PTGFRN: variants seen among roughly 807,000 people sequenced by gnomAD.
PTGFRN encodes the protein prostaglandin F2 receptor inhibitor.
PTGFRN carries 35 observed loss-of-function variants against 83.2 expected under a neutral mutation model. The observed-to-expected ratio is 0.42, with a 90% confidence interval of 0.32 to 0.56. The LOEUF (loss-of-function observed/expected upper bound fraction) is 0.56. Ranked by LOEUF, PTGFRN falls within the 20% of genes least tolerant of loss-of-function variation. The pLI is 0.11. For missense variants in PTGFRN, 1,051 were observed against 1,179.5 expected (o/e 0.89, Z 1.60); for synonymous variants, 519 against 498.6 (o/e 1.04, Z -0.55).
rs1422882122 is a variant in PTGFRN at position 116,987,716 on chromosome 1, G to A, written c.*749G>A. The A allele has an allele frequency of 6.6e-6, 1 of 152,492 alleles. No individual in the cohort carries two copies. Among genetic ancestry groups the A allele is most frequent in the East Asian group, 1.9e-4 (1 of 5,184 alleles). 9.4% of individuals were successfully genotyped at this position (152,492 alleles called of 1,614,324 possible). On this transcript the variant is annotated 3_prime_UTR_variant, in exon 9 of 9. Transcript: ENST00000393203. Reference sequence around the variant, plus strand: ...ATCTTGCCACCTTAGCCTTAAGAATGAATATGAAGAAAAATACACAGCCAC... The same window carrying A: ...ATCTTGCCACCTTAGCCTTAAGAATAAATATGAAGAAAAATACACAGCCAC...
chr1:116,962,733 T>C (rs1650699914), intron 5 of PTGFRN, among the ~76,000 whole-genome samples: 1 of 152,128 alleles, frequency 6.6e-6, no homozygotes, highest in Non-Finnish European at 1.5e-5. Flanking sequence ...TCTAAACATA[T>C]CTCCTGTCTT....
At chr1:116,924,171 G>A (rs1394929139) in intron 1 of PTGFRN, among the ~76,000 whole-genome samples, 3 of 134,864 alleles carry the variant, frequency 2.2e-5, no homozygotes, top group South Asian at 4.6e-4. Context: ...TTTTTGAGAC[G>A]GAGTCTCACT....
chr1:116,931,019 TG>T (rs1408672082), intron 1 of PTGFRN, among the ~76,000 whole-genome samples: 1 of 152,220 alleles, frequency 6.6e-6, no homozygotes, highest in African/African-American at 2.4e-5. Context: ...CTGAGGCACC[TG>T]TTAGTGCATC....
At chr1:116,930,193 A>G (rs2246893) in intron 1 of PTGFRN, among the ~76,000 whole-genome samples, 19,655 of 152,260 alleles carry the variant, frequency 0.13, 2,348 homozygotes, top group African/African-American at 0.32. Context: ...TTCATAAAGA[A>G]ACAGTAAGTG....
Position 116,933,371 on chromosome 1 carries a change from C to A in PTGFRN, c.50-8344C>A, listed in dbSNP as rs183838269. On this transcript the variant is annotated intron_variant, in intron 1 of 8. Coordinates refer to ENST00000393203, the MANE Select transcript of PTGFRN (RefSeq NM_020440.4). The stretch of plus-strand genomic sequence containing the variant: ...ACTTCCAGGATAATGAAAGACCTTA[C>A]AACATTTAAGCTCCAATGTATTCCA... 3.3e-5 allele frequency among the ~76,000 whole-genome samples: 5 copies of A among 152,134 alleles called. No homozygotes were observed. In the East Asian group the frequency reaches 9.7e-4, roughly 29 times the overall value.
intron 6 of PTGFRN, 92 bp from the exon 7 acceptor site, chr1:116,974,124 G>A: frequency 1.0e-6 from 1 of 972,306 alleles, no homozygotes. Context: ...CCAGGGAAGA[G>A]AACCACATTT....
intron 1 of PTGFRN, among the ~76,000 whole-genome samples, chr1:116,932,761 CT>C (rs1377436317): frequency 6.6e-6 from 1 of 152,092 alleles, no homozygotes; most frequent in Non-Finnish European, 1.5e-5. Flanking sequence ...TAAGCTGTTT[CT>C]TTTTCCTACT....
At chr1:116,939,084 C>CA (rs1020680450) in intron 1 of PTGFRN, among the ~76,000 whole-genome samples, 5 of 152,250 alleles carry the variant, frequency 3.3e-5, no homozygotes, top group African/African-American at 9.6e-5. Flanking sequence ...CGGCTGCTTT[C>CA]ACAGGCTGGC....
intron 1 of PTGFRN, among the ~76,000 whole-genome samples, chr1:116,939,152 T>C (rs910204286): frequency 4.6e-5 from 7 of 152,230 alleles, no homozygotes; most frequent in African/African-American, 1.7e-4. Flanking sequence ...GATCTACCGT[T>C]CTGGGGTCTG....
At position 116,967,039 on chromosome 1, in the gene PTGFRN, G is replaced by A. The variant is rs1650859235; in HGVS notation, c.1768G>A (p.Glu590Lys). 2 of 1,614,214 alleles carry A rather than the reference G, an allele frequency of 1.2e-6. No homozygotes were observed. Among genetic ancestry groups the A allele is most frequent in the Non-Finnish European group, 1.7e-6 (2 of 1,180,042 alleles). ...ACGCTACTCTGTTCTCATCATGGCT[G>A]AGAAGCCTGTCGGCGACCTCTCCAG... ...SPRYSVLIMA[E>K]KPVGDLSSPN... The change falls in exon 6 of 9, where the codon GAG (glutamate) becomes AAG (lysine). Residue 590 changes from glutamate to lysine, a missense_variant. Glu to Lys is a moderately conservative substitution (Grantham distance 56). Transcript: ENST00000393203.
intron 1 of PTGFRN, among the ~76,000 whole-genome samples, chr1:116,931,183 T>A (rs1003186334): frequency 1.3e-5 from 2 of 152,224 alleles, no homozygotes; most frequent in African/African-American, 4.8e-5. Context: ...GCACTTTGGA[T>A]TTTGGATTTT....
Position 116,941,468 on chromosome 1 carries a change from A to C in PTGFRN, c.50-247A>C, listed in dbSNP as rs1223933385. On this transcript the variant is annotated intron_variant, in intron 1 of 8. Coordinates refer to ENST00000393203, the MANE Select transcript of PTGFRN (RefSeq NM_020440.4). The surrounding 1 kb of genome is among the most constrained non-coding windows in gnomAD (Gnocchi z 5.0). ...TGAGGTTTACAGTTAGCCTGCTTTT[A>C]ATGCTTATCTTCCTCCCTGTTGGTC... is the stretch of plus-strand genomic sequence containing the variant. Among the ~76,000 whole-genome samples, 1 of 152,178 alleles carries C rather than the reference A, an allele frequency of 6.6e-6. No individual in the cohort carries two copies. The highest frequency in any genetic ancestry group is 2.4e-5 in the African/African-American group (1 of 41,450).
chr1:116,969,222 A>T (rs1482137212), intron 6 of PTGFRN, among the ~76,000 whole-genome samples: 1 of 151,202 alleles, frequency 6.6e-6, no homozygotes, highest in Admixed American at 6.6e-5. Flanking sequence ...TTCTTCTAAG[A>T]GTTTTATAGT....
chr1:116,934,356 A>G (rs1247251983), intron 1 of PTGFRN, among the ~76,000 whole-genome samples: 2 of 152,230 alleles, frequency 1.3e-5, no homozygotes, highest in African/African-American at 4.8e-5. Flanking sequence ...TATGTTGCCC[A>G]GGCTGATCTT....
intron 4 of PTGFRN, among the ~76,000 whole-genome samples, chr1:116,950,191 C>T (rs866983125): frequency 5.3e-5 from 8 of 152,322 alleles, no homozygotes; most frequent in East Asian, 1.9e-4. Context: ...AACAACCTGC[C>T]GTATATGTGG....
In PTGFRN at chr1:116,923,476, C is replaced by T. The variant is rs1246682488; in HGVS notation, c.49+13224C>T. Among the ~76,000 whole-genome samples, 4 of 152,122 alleles carry T rather than the reference C, an allele frequency of 2.6e-5. No individual in the cohort carries two copies. The highest frequency in any genetic ancestry group is 9.7e-5 in the African/African-American group (4 of 41,422). On this transcript the variant is annotated intron_variant, in intron 1 of 8. Transcript: ENST00000393203. This position sits in a 1 kb window ranked among gnomAD's most constrained non-coding sequence, Gnocchi z 4.0. ...CCATTCTTCTTCCTGTGGATTTTCT[C>T]GTTTTTTTCCTTGGCAGCTTGGGTG...
At chr1:116,973,558 T>C (rs1323822288) in intron 6 of PTGFRN, among the ~76,000 whole-genome samples, 2 of 133,370 alleles carry the variant, frequency 1.5e-5, no homozygotes, top group African/African-American at 5.8e-5. Flanking sequence ...TGAGCCGAGA[T>C]CACACTACTG....
In PTGFRN at chr1:116,910,020, G is replaced by A. The variant is rs1649214834; in HGVS notation, c.-184G>A. 1.4e-6 allele frequency: 1 copy of A among 694,696 alleles called. No individual in the cohort carries two copies. Among genetic ancestry groups the A allele is most frequent in the Non-Finnish European group, 2.5e-6 (1 of 403,120 alleles). 43.0% of individuals were successfully genotyped at this position (694,696 alleles called of 1,614,324 possible). A position where few individuals can be genotyped will look rare whatever the true frequency, so the allele number is the denominator to read the frequency against. On this transcript the variant is annotated 5_prime_UTR_variant, in exon 1 of 9. Coordinates refer to ENST00000393203, the MANE Select transcript of PTGFRN (RefSeq NM_020440.4). ...GGGAGGGAAGGAGGCGGGAGGGAGCGAGCGGAGCCAGGGGCGCACGTACGC... is the reference window on the plus strand; with the variant it reads ...GGGAGGGAAGGAGGCGGGAGGGAGCAAGCGGAGCCAGGGGCGCACGTACGC...
At chr1:116,938,438 C>T (rs1649976941) in intron 1 of PTGFRN, among the ~76,000 whole-genome samples, 2 of 152,144 alleles carry the variant, frequency 1.3e-5, no homozygotes, top group Admixed American at 6.5e-5. Flanking sequence ...ATGTGGATGG[C>T]GGCAGGCAAA....
Sources: gnomAD v4.1 joint callset for allele counts (sites outside exome capture counted in the v4.1 genomes callset) on GRCh38, gnomAD v4.1.1 for gene constraint, Gnocchi (gnomAD v3.1) non-coding constraint, MANE v1.5 for transcripts, NCBI Gene and HGNC (gene_info 2026-07-23, HGNC 2026-07-21) for gene names.